Variants in CCDC102B observed in about 807,000 individuals in gnomAD.
CCDC102B encodes the protein coiled-coil domain containing 102B, also known as coiled-coil domain-containing protein 102B.
CCDC102B carries 75 observed loss-of-function variants against 57.4 expected under a neutral mutation model. The ratio of observed to expected loss-of-function variants is 1.31; its 90% confidence interval spans 1.08 to 1.58. CCDC102B has a LOEUF of 1.58. Ranked by LOEUF, CCDC102B falls within the 40% of genes most tolerant of loss-of-function variation. The pLI, the probability that CCDC102B is intolerant of heterozygous loss-of-function variation, is 0.00. For missense variants in CCDC102B, 636 were observed against 582.6 expected (o/e 1.09, Z -0.94); for synonymous variants, 206 against 201.9 (o/e 1.02, Z -0.17).
At chr18:69,005,551 A>G (rs1243112130) in intron 6 of CCDC102B, among the ~76,000 whole-genome samples, 1 of 152,012 alleles carries the variant, frequency 6.6e-6, no homozygotes, top group Non-Finnish European at 1.5e-5. Flanking sequence ...ATTTATATTT[A>G]CCAGCCTCTC....
chr18:68,847,325 T>C (rs1478663029), intron 4 of CCDC102B, among the ~76,000 whole-genome samples: 1 of 151,776 alleles, frequency 6.6e-6, no homozygotes, highest in African/African-American at 2.4e-5. Flanking sequence ...AAACACATTA[T>C]GTTTAGAATG....
chr18:68,967,010 G>T (rs1046483328), intron 6 of CCDC102B, among the ~76,000 whole-genome samples: 2 of 152,100 alleles, frequency 1.3e-5, no homozygotes, highest in African/African-American at 2.4e-5. Flanking sequence ...TCTTTCCTTA[G>T]ACAGAAACAC....
intron 4 of CCDC102B, among the ~76,000 whole-genome samples, chr18:68,860,547 A>G (rs4891707): frequency 0.25 from 25,915 of 104,458 alleles, 2,733 homozygotes; most frequent in Non-Finnish European, 0.31. Flanking sequence ...CACCCCTGCC[A>G]CACAGGCCTC....
chr18:69,055,700 C>T (rs1370746640), downstream of CCDC102B, among the ~76,000 whole-genome samples: 2 of 152,064 alleles, frequency 1.3e-5, no homozygotes, highest in Admixed American at 6.6e-5. Flanking sequence ...AGGCGTCTTC[C>T]TCTCAAGATC....
At chr18:68,716,509 T>G (rs1467889561) in intron 1 of CCDC102B, 1 of 152,220 alleles carries the variant, frequency 6.6e-6, no homozygotes, top group Middle Eastern at 3.2e-3. Context: ...AACTGAATAT[T>G]TATTTTTTTT....
chr18:68,736,097 A>G (rs1210919140), intron 2 of CCDC102B, among the ~76,000 whole-genome samples: 1 of 152,258 alleles, frequency 6.6e-6, no homozygotes, highest in African/African-American at 2.4e-5. Flanking sequence ...GTCACTGTAT[A>G]ATGGATTAAA....
intron 6 of CCDC102B, among the ~76,000 whole-genome samples, chr18:68,939,155 A>G (rs1430951195): frequency 2.0e-5 from 3 of 151,852 alleles, no homozygotes; most frequent in Non-Finnish European, 4.4e-5. Context: ...TCAGTTAAAT[A>G]CATATGAATA....
At chr18:69,002,491 T>C (rs1439777177) in intron 6 of CCDC102B, among the ~76,000 whole-genome samples, 7 of 152,130 alleles carry the variant, frequency 4.6e-5, no homozygotes, top group Non-Finnish European at 2.9e-5. Flanking sequence ...ACCACAGTTC[T>C]CAACACAGAA....
chr18:69,050,856 A>T (rs1349886882), intron 7 of CCDC102B, among the ~76,000 whole-genome samples: 1 of 152,182 alleles, frequency 6.6e-6, no homozygotes, highest in Non-Finnish European at 1.5e-5. Flanking sequence ...ATGTTTACCT[A>T]GGTGTTTCAG....
chr18:68,920,657 G>T (rs979395438), intron 6 of CCDC102B, among the ~76,000 whole-genome samples: 6 of 152,092 alleles, frequency 3.9e-5, no homozygotes, highest in Non-Finnish European at 7.4e-5. Flanking sequence ...CTGCATTGCT[G>T]GGGAGGCCTC....
At chr18:68,862,090 T>C (rs1225323639) in intron 4 of CCDC102B, among the ~76,000 whole-genome samples, 1 of 152,210 alleles carries the variant, frequency 6.6e-6, no homozygotes, top group Admixed American at 6.5e-5. Flanking sequence ...TCATCTTGTA[T>C]TTCCTTATTA....
intron 6 of CCDC102B, among the ~76,000 whole-genome samples, chr18:68,955,692 C>T (rs1328100842): frequency 6.6e-6 from 1 of 151,356 alleles, no homozygotes; most frequent in Non-Finnish European, 1.5e-5. Context: ...CTAGGCGTTT[C>T]CAAACGTTGC....
chr18:68,774,264 A>ATAAATG (rs1234962204), intron 2 of CCDC102B, among the ~76,000 whole-genome samples: 1 of 151,738 alleles, frequency 6.6e-6, no homozygotes, highest in Non-Finnish European at 1.5e-5. Context: ...ACTAGAGTAT[A>ATAAATG]TAAATGTATA....
At chr18:68,913,933 A>G (rs1261569756) in intron 6 of CCDC102B, among the ~76,000 whole-genome samples, 1 of 152,158 alleles carries the variant, frequency 6.6e-6, no homozygotes, top group East Asian at 1.9e-4. Context: ...TTATGGTCCT[A>G]TCTCTGCCAG....
intron 6 of CCDC102B, among the ~76,000 whole-genome samples, chr18:68,976,908 T>C (rs2050453314): frequency 6.6e-6 from 1 of 152,006 alleles, no homozygotes; most frequent in African/African-American, 2.4e-5. Context: ...TAATATTATA[T>C]TTTTGCTAAT....
chr18:68,857,319 TTA>T (rs1491366249), intron 4 of CCDC102B, among the ~76,000 whole-genome samples: 39 of 3,760 alleles, frequency 0.01, 3 homozygotes, highest in African/African-American at 0.027. Context: ...TATTTATATA[TTA>T]TATATATAAA....
At chr18:68,773,474 T>C (rs188744691) in intron 2 of CCDC102B, among the ~76,000 whole-genome samples, 1 of 152,174 alleles carries the variant, frequency 6.6e-6, no homozygotes, top group East Asian at 1.9e-4. Flanking sequence ...TTACTGTACG[T>C]ACTGGAATTT....
At chr18:68,908,089 T>C (rs2145059757) in intron 6 of CCDC102B, 1 of 152,334 alleles carries the variant, frequency 6.6e-6, no homozygotes, top group East Asian at 1.9e-4. Flanking sequence ...TTTAAATGAC[T>C]CATTTTATTG....
chr18:68,849,422 T>G (rs971486842), intron 4 of CCDC102B, among the ~76,000 whole-genome samples: 6 of 152,080 alleles, frequency 3.9e-5, no homozygotes, highest in African/African-American at 1.4e-4. Context: ...TTAATGTATC[T>G]TATCGACTCT....
Sources: gnomAD v4.1 joint callset for allele counts (sites outside exome capture counted in the v4.1 genomes callset) on GRCh38, gnomAD v4.1.1 for gene constraint, MANE v1.5 for transcripts, NCBI Gene and HGNC (gene_info 2026-07-23, HGNC 2026-07-21) for gene names.